ITGB8: variants seen among roughly 807,000 people sequenced by gnomAD.
ITGB8 encodes integrin subunit beta 8, also known as integrin beta-8.
A neutral mutation model predicts 89.5 loss-of-function variants in ITGB8; 30 were observed. The observed-to-expected ratio is 0.34, with a 90% confidence interval of 0.25 to 0.45. The LOEUF (loss-of-function observed/expected upper bound fraction) is 0.45. Among genes scored for constraint, ITGB8 ranks in the 20% least tolerant of loss-of-function variants. The probability of loss-of-function intolerance (pLI) is 1.00; values close to 1 mark genes in which losing one functional copy is unlikely to be tolerated. For missense variants in ITGB8, 836 were observed against 933.3 expected, an observed-to-expected ratio of 0.90 and a Z score of 1.36; for synonymous variants, 335 against 320.4, an observed-to-expected ratio of 1.05 and a Z score of -0.49.
intron 1 of ITGB8, among the ~76,000 whole-genome samples, chr7:20,334,917 T>C (rs1218070644): frequency 6.6e-6 from 1 of 152,208 alleles, no homozygotes; most frequent in African/African-American, 2.4e-5. Flanking sequence ...AACCATGGTA[T>C]TAACCCTATG....
intron 3 of ITGB8, among the ~76,000 whole-genome samples, chr7:20,367,465 G>A (rs1048125336): frequency 6.6e-6 from 1 of 152,112 alleles, no homozygotes; most frequent in Admixed American, 6.5e-5. Flanking sequence ...ACTCTACTGC[G>A]AGCCCTAGGA....
intron 5 of ITGB8, chr7:20,381,504 A>G (rs1786391568): frequency 4.7e-6 from 2 of 425,554 alleles, no homozygotes; most frequent in African/African-American, 2.0e-5. Flanking sequence ...CCAGTGGAAC[A>G]CTAGAAATCT....
Position 20,413,568 on chromosome 7 carries a change from C to T in ITGB8, c.*3571C>T, listed in dbSNP as rs1780193359. ...TCCACTCACTCTTCCCAAGAGATTT[C>T]CTAAAGCTTCAAGCTTAATAAGCCT... On this transcript the variant is annotated 3_prime_UTR_variant, in exon 14 of 14. Coordinates refer to ENST00000222573, the MANE Select transcript of ITGB8 (RefSeq NM_002214.3). 1 of 152,244 alleles carries T rather than the reference C, an allele frequency of 6.6e-6. No homozygotes were observed. The allele number at this position is 152,244 out of a possible 1,614,324, so 9.4% of individuals were successfully genotyped here. A position where few individuals can be genotyped will look rare whatever the true frequency, so the allele number is the denominator to read the frequency against.
chr7:20,378,469 C>T (rs1447773384), intron 3 of ITGB8, among the ~76,000 whole-genome samples: 5 of 152,196 alleles, frequency 3.3e-5, no homozygotes, highest in South Asian at 2.1e-4. Context: ...AGAATCTTAC[C>T]AACTAACTAG....
rs1787017643 is a variant in ITGB8 at position 20,395,128 on chromosome 7, G to A, written c.1146+143G>A. ...AATTAGGAATCTGAAGTTCATCCCT[G>A]GCCCTACCACTAACTAGCTTTTTGC... On this transcript the variant is annotated intron_variant, in intron 8 of 13. Coordinates refer to ENST00000222573, the MANE Select transcript of ITGB8 (RefSeq NM_002214.3). The A allele has an allele frequency of 5.3e-6, 3 of 570,210 alleles. No individual in the cohort carries two copies. The South Asian group carries it at 7.5e-5, about 14-fold the overall frequency. 35.3% of individuals were successfully genotyped at this position (570,210 alleles called of 1,614,324 possible).
At chr7:20,378,022 AAAT>A (rs1365003399) in intron 3 of ITGB8, among the ~76,000 whole-genome samples, 1 of 152,258 alleles carries the variant, frequency 6.6e-6, no homozygotes, top group Non-Finnish European at 1.5e-5. Flanking sequence ...TCTTATGGAA[AAAT>A]AATGACTTAC....
intron 2 of ITGB8, 155 bp from the exon 3 acceptor site, chr7:20,366,857 T>A: frequency 1.8e-6 from 1 of 564,124 alleles, no homozygotes; most frequent in Non-Finnish European, 3.0e-6. Context: ...GTAGGATTTT[T>A]GCTTGTGTTT....
At chr7:20,366,935 AAT>A in intron 2 of ITGB8, 75 bp from the exon 3 acceptor site, 1 of 946,916 alleles carries the variant, frequency 1.1e-6, no homozygotes. Flanking sequence ...CCAAAAATGC[AAT>A]ATTTGCTATG....
At chr7:20,342,678 AT>A (rs201576384) in intron 1 of ITGB8, among the ~76,000 whole-genome samples, 1,575 of 144,576 alleles carry the variant, frequency 0.011, 17 homozygotes, top group African/African-American at 0.025. Context: ...TTTTTCATTC[AT>A]TTTTTTTTTT....
At chr7:20,358,306 A>C (rs1352894669) in intron 1 of ITGB8, among the ~76,000 whole-genome samples, 1 of 152,116 alleles carries the variant, frequency 6.6e-6, no homozygotes, top group African/African-American at 2.4e-5. Context: ...ATGTGACATA[A>C]AACTGCCCCA....
intron 1 of ITGB8, among the ~76,000 whole-genome samples, chr7:20,353,839 G>A (rs1172388743): frequency 2.1e-5 from 3 of 144,678 alleles, no homozygotes; most frequent in Non-Finnish European, 3.0e-5. Context: ...GGCTGAGGCA[G>A]GAGAATGGCG....
intron 7 of ITGB8, among the ~76,000 whole-genome samples, chr7:20,392,060 C>G (rs904387555): frequency 2.0e-5 from 3 of 151,974 alleles, no homozygotes; most frequent in Non-Finnish European, 4.4e-5. Context: ...CAGGTGAGAC[C>G]CTCAAGCAAA....
At chr7:20,405,778 A>G (rs563602521) in intron 11 of ITGB8, among the ~76,000 whole-genome samples, 2 of 152,194 alleles carry the variant, frequency 1.3e-5, no homozygotes, top group African/African-American at 4.8e-5. Flanking sequence ...AAAGACTTCT[A>G]ATCTAAACAC....
chr7:20,378,861 C>T (rs1786260018), intron 3 of ITGB8, among the ~76,000 whole-genome samples, 190 bp from the exon 4 acceptor site: 1 of 152,048 alleles, frequency 6.6e-6, no homozygotes. Flanking sequence ...GTATGGTTTT[C>T]AAATTGCCTT....
At position 20,391,542 on chromosome 7, in the gene ITGB8, G is replaced by A. The variant is rs756242069; in HGVS notation, c.1056+44G>A. The A allele has an allele frequency of 5.8e-6, 6 of 1,031,818 alleles. No homozygotes were observed. The South Asian group carries it at 7.8e-5, about 13-fold the overall frequency. The allele number at this position is 1,031,818 out of a possible 1,614,324, so 63.9% of individuals were successfully genotyped here. ...TGTTAAAATTAAATTTTTTTCATTG[G>A]TAATTGAAATTAAGACATTTCTTTA... On this transcript the variant is annotated intron_variant, in intron 7 of 13. Transcript: ENST00000222573.
At chr7:20,362,672 GTTTAC>G (rs1465887536) in intron 1 of ITGB8, among the ~76,000 whole-genome samples, 1 of 152,082 alleles carries the variant, frequency 6.6e-6, no homozygotes, top group East Asian at 1.9e-4. Context: ...TGTCCCTTTT[GTTTAC>G]TTTGAGTGAG....
chr7:20,407,237 C>G (rs562475110), intron 12 of ITGB8, among the ~76,000 whole-genome samples: 56 of 113,090 alleles, frequency 5.0e-4, no homozygotes, highest in African/African-American at 1.6e-3. Context: ...CACACCATAG[C>G]AAGCATACTC....
chr7:20,349,075 T>C (rs1354395171), intron 1 of ITGB8, among the ~76,000 whole-genome samples: 2 of 152,168 alleles, frequency 1.3e-5, no homozygotes, highest in Admixed American at 1.3e-4. Context: ...ACTGAACGAA[T>C]GTTAATTGAA....
At chr7:20,397,563 A>G (rs1428578091) in intron 8 of ITGB8, among the ~76,000 whole-genome samples, 1 of 152,202 alleles carries the variant, frequency 6.6e-6, no homozygotes, top group Non-Finnish European at 1.5e-5. Flanking sequence ...TTAGAAGGGT[A>G]AACTGAGGAT....
Sources: allele counts gnomAD v4.1 joint callset (sites outside exome capture counted in the v4.1 genomes callset), GRCh38; gene constraint gnomAD v4.1.1; transcripts MANE v1.5; gene names NCBI Gene and HGNC (gene_info 2026-07-23, HGNC 2026-07-21).